GSE1: variants seen among roughly 807,000 people sequenced by gnomAD.
GSE1 encodes Gse1 coiled-coil protein.
In GSE1, 32 loss-of-function variants were observed where a neutral mutation model predicts 112.6. The ratio of observed to expected loss-of-function variants is 0.28; its 90% CI spans 0.21 to 0.38. GSE1 has a LOEUF of 0.38. GSE1 is among the 10% of genes least tolerant of loss of function. GSE1 has a pLI of 1.00. For synonymous variants in GSE1, 1,115 were observed against 735.6 expected (o/e 1.52, Z -8.35); for missense variants, 2,348 against 1,699.2 (o/e 1.38, Z -6.71).
intron 2 of GSE1, among the ~76,000 whole-genome samples, chr16:85,366,323 C>T (rs916764868): frequency 6.6e-6 from 1 of 152,258 alleles, no homozygotes; most frequent in South Asian, 2.1e-4. Context: ...CCCCCCTTCC[C>T]TGGCCCTGCT....
chr16:85,428,117 G>A (rs1307518715), intron 2 of GSE1, among the ~76,000 whole-genome samples: 2 of 152,192 alleles, frequency 1.3e-5, no homozygotes, highest in Non-Finnish European at 1.5e-5. Context: ...CTTCGGTGCT[G>A]GGAACTGGTG....
chr16:85,256,858 G>A (rs113935083), intron 1 of GSE1, among the ~76,000 whole-genome samples: 3,400 of 152,338 alleles, frequency 0.022, 61 homozygotes, highest in Non-Finnish European at 0.03. Context: ...TCAATGAAAC[G>A]CAACGCAAAA....
intron 1 of GSE1, among the ~76,000 whole-genome samples, chr16:85,307,608 G>GTA (rs1555558400): frequency 2.3e-4 from 9 of 38,454 alleles, no homozygotes; most frequent in African/African-American, 2.1e-3. Context: ...GCGTGTGATG[G>GTA]CACACAGCAT....
At chr16:85,478,909 TTCTTTCTTTCTTTCTTTCTC>T (rs755126892) in intron 2 of GSE1, among the ~76,000 whole-genome samples, 8,434 of 70,384 alleles carry the variant, frequency 0.12, 999 homozygotes, top group African/African-American at 0.13. Flanking sequence ...CTTTCTTTCT[TTCTTTCTTTCTTTCTTTCTC>T]TTTCTTTCTT....
rs558567267 is a variant in GSE1 at position 85,448,134 on chromosome 16, T to C, written c.2464+90491T>C. ...TCCGCCTGCCCTGCCCGCATCACCTTCTCTGGAAAAGGATGTGCAGACTTG... is the reference window on the plus strand; with the variant it reads ...TCCGCCTGCCCTGCCCGCATCACCTCCTCTGGAAAAGGATGTGCAGACTTG... On this transcript the variant is annotated intron_variant, in intron 2 of 2. Coordinates refer to the GSE1 transcript ENST00000637419. 7.2e-4 allele frequency among the ~76,000 whole-genome samples: 110 copies of C among 152,314 alleles called. 1 individual carries two copies. Among genetic ancestry groups the C allele is most frequent in the Admixed American group, 1.6e-3 (24 of 15,304 alleles).
chr16:85,504,779 A>G (rs940210786), intron 2 of GSE1, among the ~76,000 whole-genome samples: 3 of 152,200 alleles, frequency 2.0e-5, no homozygotes, highest in African/African-American at 7.2e-5. Context: ...GGGAATTTTT[A>G]ATATCCCAGA....
At chr16:85,337,045 C>G (rs534745122) in intron 1 of GSE1, among the ~76,000 whole-genome samples, 14 of 152,322 alleles carry the variant, frequency 9.2e-5, no homozygotes, top group African/African-American at 3.4e-4. Context: ...TTGATGCACA[C>G]TGACACATAT....
chr16:85,246,930 C>G (rs1905915658), intron 1 of GSE1, among the ~76,000 whole-genome samples: 1 of 152,036 alleles, frequency 6.6e-6, no homozygotes, highest in Admixed American at 6.5e-5. Flanking sequence ...TTGGGTTACC[C>G]CCTGCTAATG....
intron 1 of GSE1, among the ~76,000 whole-genome samples, chr16:85,204,917 C>T (rs2075088951): frequency 6.6e-6 from 1 of 152,202 alleles, no homozygotes; most frequent in Non-Finnish European, 1.5e-5. Context: ...GCTCAGAGTT[C>T]TGGAGTCCAT....
intron 2 of GSE1, among the ~76,000 whole-genome samples, chr16:85,542,308 G>A (rs963609329): frequency 6.6e-6 from 1 of 152,232 alleles, no homozygotes; most frequent in African/African-American, 2.4e-5. Flanking sequence ...CAGATGGTGT[G>A]TCTGAGTTTT....
chr16:85,526,663 G>T (rs945573474), intron 2 of GSE1, among the ~76,000 whole-genome samples: 27 of 152,204 alleles, frequency 1.8e-4, no homozygotes, highest in African/African-American at 6.3e-4. Flanking sequence ...TCAGGGATCT[G>T]GGCAAGGTCT....
chr16:85,292,347 T>G (rs954069684), intron 1 of GSE1, among the ~76,000 whole-genome samples: 1 of 149,194 alleles, frequency 6.7e-6, no homozygotes, highest in Non-Finnish European at 1.5e-5. Flanking sequence ...TTTTGTTTTC[T>G]GAGACAGAGT....
intron 1 of GSE1, among the ~76,000 whole-genome samples, chr16:85,256,970 G>C: frequency 6.6e-6 from 1 of 152,116 alleles, no homozygotes; most frequent in East Asian, 1.9e-4. Flanking sequence ...TTTCTGTCAC[G>C]ATACTTTGTA....
chr16:85,470,419 G>C (rs1227568679), intron 2 of GSE1, among the ~76,000 whole-genome samples: 2 of 146,844 alleles, frequency 1.4e-5, no homozygotes, highest in Admixed American at 6.6e-5. Context: ...CCCGGACGCA[G>C]AGCTGGGATC....
upstream of GSE1, chr16:85,613,132 AAC>A (rs975971541): frequency 7.0e-5 from 86 of 1,233,818 alleles, 1 homozygote; most frequent in Admixed American, 2.3e-3. Flanking sequence ...TTGCGGCTGA[AAC>A]CCGACACCTC....
intron 2 of GSE1, among the ~76,000 whole-genome samples, chr16:85,517,030 C>A (rs774143706): frequency 1.6e-4 from 24 of 152,214 alleles, no homozygotes; most frequent in Non-Finnish European, 3.2e-4. Flanking sequence ...ATCTCCTGAT[C>A]TCATGATCCA....
intron 1 of GSE1, among the ~76,000 whole-genome samples, chr16:85,178,471 A>T (rs1223188771): frequency 6.6e-6 from 1 of 152,018 alleles, no homozygotes; most frequent in South Asian, 2.1e-4. Flanking sequence ...AAAAATACCA[A>T]TGACAGGGCC....
At chr16:85,286,704 A>ATT (rs569094716) in intron 1 of GSE1, among the ~76,000 whole-genome samples, 2 of 140,456 alleles carry the variant, frequency 1.4e-5, no homozygotes, top group South Asian at 2.3e-4. Flanking sequence ...CTGGGTTGGG[A>ATT]TTTTTTTTTT....
intron 2 of GSE1, among the ~76,000 whole-genome samples, chr16:85,545,028 A>G (rs2044648697): frequency 6.6e-6 from 1 of 152,210 alleles, no homozygotes; most frequent in East Asian, 1.9e-4. Context: ...GTGCCTTCCA[A>G]CAGCTCTTGC....
Sources: gnomAD v4.1 joint callset for allele counts (sites outside exome capture counted in the v4.1 genomes callset) on GRCh38, gnomAD v4.1.1 for gene constraint, MANE v1.5 for transcripts, NCBI Gene and HGNC (gene_info 2026-07-23, HGNC 2026-07-21) for gene names.